ZDHHC14: variants seen among roughly 807,000 people sequenced by gnomAD.
The protein encoded by ZDHHC14 is palmitoyltransferase ZDHHC14.
ZDHHC14 carries 16 observed loss-of-function variants against 47.7 expected under a neutral mutation model. That is an observed-to-expected ratio of 0.34 (90% CI 0.23 to 0.51). The LOEUF (loss-of-function observed/expected upper bound fraction) is 0.51, where lower values mean the gene tolerates loss of function less well. ZDHHC14 is among the 20% of genes least tolerant of loss of function. ZDHHC14 has a pLI of 0.97. For missense variants in ZDHHC14, 515 were observed against 662.5 expected, an observed-to-expected ratio of 0.78 and a Z score of 2.44; for synonymous variants, 293 against 278.9, an observed-to-expected ratio of 1.05 and a Z score of -0.50.
intron 3 of ZDHHC14, among the ~76,000 whole-genome samples, chr6:157,599,101 CAGTA>C (rs1784239933): frequency 6.6e-6 from 1 of 152,142 alleles, no homozygotes; most frequent in Non-Finnish European, 1.5e-5. Flanking sequence ...TAGAAAATGG[CAGTA>C]AGAACAATGC....
chr6:157,622,556 T>C (rs1785238785), intron 3 of ZDHHC14, among the ~76,000 whole-genome samples: 1 of 152,186 alleles, frequency 6.6e-6, no homozygotes, highest in African/African-American at 2.4e-5. Context: ...CATTCCACTG[T>C]AGCCTCTGGG....
At chr6:157,444,058 A>G (rs541838129) in intron 1 of ZDHHC14, among the ~76,000 whole-genome samples, 12 of 152,206 alleles carry the variant, frequency 7.9e-5, no homozygotes, top group Non-Finnish European at 1.5e-4. Flanking sequence ...TATTTTGTTT[A>G]TTCCTCACAA....
chr6:157,574,248 T>C (rs746558941), intron 2 of ZDHHC14, among the ~76,000 whole-genome samples: 81 of 151,408 alleles, frequency 5.3e-4, no homozygotes, highest in Admixed American at 7.9e-4. Context: ...GATGGCAAAA[T>C]CCTATCTCTA....
intron 1 of ZDHHC14, among the ~76,000 whole-genome samples, chr6:157,527,110 C>A (rs575310129): frequency 5.9e-5 from 9 of 152,282 alleles, no homozygotes; most frequent in Non-Finnish European, 1.2e-4. Context: ...CAATGTGAAA[C>A]CATGGCCGTA....
intron 1 of ZDHHC14, among the ~76,000 whole-genome samples, chr6:157,422,075 G>A (rs920204908): frequency 5.9e-5 from 9 of 152,166 alleles, no homozygotes; most frequent in Non-Finnish European, 8.8e-5. Flanking sequence ...TCGAACCCAC[G>A]TACCTGGGTC....
intron 1 of ZDHHC14, among the ~76,000 whole-genome samples, chr6:157,401,245 CT>C (rs901621075): frequency 3.9e-5 from 6 of 151,904 alleles, no homozygotes; most frequent in African/African-American, 4.8e-5. Context: ...CTAAAAAAAG[CT>C]TTTTTTTAGA....
intron 1 of ZDHHC14, among the ~76,000 whole-genome samples, chr6:157,509,611 G>A (rs1300247467): frequency 6.6e-6 from 1 of 152,110 alleles, no homozygotes; most frequent in Non-Finnish European, 1.5e-5. Context: ...CAAGCCAAAT[G>A]CCATCTCAAA....
chr6:157,604,461 G>A (rs1443507038), intron 3 of ZDHHC14, among the ~76,000 whole-genome samples: 1 of 152,134 alleles, frequency 6.6e-6, no homozygotes, highest in Non-Finnish European at 1.5e-5. Context: ...GGATGACTGT[G>A]TTTACTAGAA....
chr6:157,566,719 G>A (rs754592262), intron 2 of ZDHHC14, among the ~76,000 whole-genome samples: 3 of 152,180 alleles, frequency 2.0e-5, no homozygotes, highest in Non-Finnish European at 2.9e-5. Context: ...CCTTCGAGGA[G>A]TTTGGGGTCA....
intron 1 of ZDHHC14, among the ~76,000 whole-genome samples, chr6:157,441,025 G>T (rs1464408120): frequency 6.6e-6 from 1 of 152,210 alleles, no homozygotes; most frequent in Non-Finnish European, 1.5e-5. Flanking sequence ...ACTTATGGGG[G>T]TCTTTTCAGT....
intron 1 of ZDHHC14, among the ~76,000 whole-genome samples, chr6:157,390,045 C>T (rs181820365): frequency 1.6e-4 from 25 of 151,892 alleles, no homozygotes; most frequent in African/African-American, 3.9e-4. Context: ...TATCATTTTC[C>T]GTTGGCTTAA....
intron 1 of ZDHHC14, among the ~76,000 whole-genome samples, chr6:157,425,228 A>C (rs1390135937): frequency 6.6e-6 from 1 of 152,104 alleles, no homozygotes; most frequent in African/African-American, 2.4e-5. Flanking sequence ...TTCTATTATA[A>C]ATGGAGGCCT....
intron 4 of ZDHHC14, chr6:157,631,135 A>T (rs987391191): frequency 2.6e-5 from 4 of 152,238 alleles, no homozygotes; most frequent in African/African-American, 9.7e-5. Context: ...TCGCACTCAC[A>T]TGCTGTCGTG....
At chr6:157,520,679 T>C (rs1463391341) in intron 1 of ZDHHC14, among the ~76,000 whole-genome samples, 4 of 152,240 alleles carry the variant, frequency 2.6e-5, no homozygotes, top group Non-Finnish European at 4.4e-5. Flanking sequence ...CTATAGAATG[T>C]CTTTTAGAAG....
intron 3 of ZDHHC14, among the ~76,000 whole-genome samples, chr6:157,598,430 A>T (rs1216603419): frequency 4.6e-5 from 7 of 152,156 alleles, no homozygotes; most frequent in African/African-American, 7.2e-5. Context: ...TTGAATAAGC[A>T]TCTATGTGTT....
At chr6:157,443,758 G>A (rs141400133) in intron 1 of ZDHHC14, among the ~76,000 whole-genome samples, 69 of 152,204 alleles carry the variant, frequency 4.5e-4, no homozygotes, top group East Asian at 1.3e-3. Flanking sequence ...CCAATTGATC[G>A]ACTCATGTTT....
At chr6:157,580,102 G>C (rs1783459327) in intron 2 of ZDHHC14, among the ~76,000 whole-genome samples, 1 of 152,158 alleles carries the variant, frequency 6.6e-6, no homozygotes, top group Non-Finnish European at 1.5e-5. Flanking sequence ...AGGAAGAGAT[G>C]TTGAATTTTA....
At chr6:157,604,465 A>G (rs937076436) in intron 3 of ZDHHC14, among the ~76,000 whole-genome samples, 2 of 152,164 alleles carry the variant, frequency 1.3e-5, no homozygotes, top group Non-Finnish European at 2.9e-5. Context: ...GACTGTGTTT[A>G]CTAGAACAAT....
intron 1 of ZDHHC14, among the ~76,000 whole-genome samples, chr6:157,519,897 C>G (rs917542006): frequency 3.9e-5 from 6 of 152,168 alleles, no homozygotes; most frequent in Admixed American, 2.0e-4. Context: ...AACTGGGAAC[C>G]CCAGCAGTTG....
Sources: gnomAD v4.1 joint callset for allele counts (sites outside exome capture counted in the v4.1 genomes callset) on GRCh38, gnomAD v4.1.1 for gene constraint, MANE v1.5 for transcripts, NCBI Gene and HGNC (gene_info 2026-07-23, HGNC 2026-07-21) for gene names.